Variants in CHD9 observed in about 807,000 individuals in gnomAD.
CHD9 encodes ATP-dependent chromatin remodeler CHD9.
CHD9 carries 77 observed loss-of-function variants against 316.1 expected under a neutral mutation model. That is an observed-to-expected ratio of 0.24 (90% CI 0.20 to 0.29). The LOEUF is 0.29. CHD9 is among the 10% of genes least tolerant of loss of function. CHD9 has a pLI of 1.00. For missense variants in CHD9, 2,763 were observed against 3,438.1 expected, an observed-to-expected ratio of 0.80 and a Z score of 4.91; for synonymous variants, 1,129 against 1,158.3, an observed-to-expected ratio of 0.97 and a Z score of 0.51.
At chr16:53,187,744 T>C (rs1442836763) in intron 2 of CHD9, among the ~76,000 whole-genome samples, 1 of 152,144 alleles carries the variant, frequency 6.6e-6, no homozygotes, top group Non-Finnish European at 1.5e-5. Flanking sequence ...ATTGAATAAC[T>C]ATAAGAAGTA....
intron 11 of CHD9, among the ~76,000 whole-genome samples, 166 bp from the exon 12 acceptor site, chr16:53,238,177 G>A (rs1207697669): frequency 5.3e-5 from 8 of 151,960 alleles, no homozygotes; most frequent in African/African-American, 1.9e-4. Flanking sequence ...GCCTTTGCAG[G>A]TTTATAATAA....
At chr16:53,323,266 T>A (rs1375505662) in intron 38 of CHD9, among the ~76,000 whole-genome samples, 1 of 152,244 alleles carries the variant, frequency 6.6e-6, no homozygotes, top group African/African-American at 2.4e-5. Flanking sequence ...ATTACTAAAA[T>A]TAATGTCACC....
chr16:53,277,527 A>C (rs1296479002), intron 24 of CHD9, among the ~76,000 whole-genome samples: 2 of 152,206 alleles, frequency 1.3e-5, no homozygotes. Context: ...AACACAAAGC[A>C]TTTGACGAAA....
intron 1 of CHD9, among the ~76,000 whole-genome samples, chr16:53,111,479 AT>A (rs1471101204): frequency 5.3e-5 from 8 of 152,258 alleles, no homozygotes; most frequent in Admixed American, 3.3e-4. Flanking sequence ...GTATACGGTT[AT>A]TAGCAGAGGT....
intron 1 of CHD9, among the ~76,000 whole-genome samples, chr16:53,090,988 A>G (rs1245540268): frequency 6.8e-6 from 1 of 146,628 alleles, no homozygotes; most frequent in Non-Finnish European, 1.5e-5. Context: ...GGTGTGGAGG[A>G]TGGGAACAGC....
At chr16:53,063,136 C>G (rs1173476320) in intron 1 of CHD9, among the ~76,000 whole-genome samples, 1 of 152,106 alleles carries the variant, frequency 6.6e-6, no homozygotes, top group Non-Finnish European at 1.5e-5. Context: ...ACTTTCCATG[C>G]GTCATTCAAA....
chr16:53,245,275 T>G lies in CHD9; in HGVS notation c.3055-61T>G, dbSNP rs956011633. On this transcript the variant is annotated intron_variant, in intron 13 of 38. Transcript: ENST00000447540. The surrounding 1 kb of genome is among the most constrained non-coding windows in gnomAD (Gnocchi z 4.1). ...CATATTGATCATTCGATAATCTAAG[T>G]CAGCTTTCATATAATTTTAGTACTG... 7 of 1,296,112 alleles carry G rather than the reference T, an allele frequency of 5.4e-6. No homozygotes were observed. Among genetic ancestry groups the G allele is most frequent in the African/African-American group, 1.5e-5 (1 of 65,902 alleles). 80.3% of individuals were successfully genotyped at this position (1,296,112 alleles called of 1,614,324 possible).
intron 1 of CHD9, among the ~76,000 whole-genome samples, chr16:53,098,513 G>A (rs2036571680): frequency 6.6e-6 from 1 of 151,784 alleles, no homozygotes; most frequent in Non-Finnish European, 1.5e-5. Flanking sequence ...AAAGCTGGGA[G>A]GCCTGAGATT....
chr16:53,133,531 CTT>C (rs996948831), intron 1 of CHD9, among the ~76,000 whole-genome samples: 10 of 152,274 alleles, frequency 6.6e-5, no homozygotes, highest in African/African-American at 2.4e-4. Flanking sequence ...GACTTTGTCA[CTT>C]AACTGTGTAG....
At chr16:53,322,666 A>G (rs959724650) in intron 38 of CHD9, among the ~76,000 whole-genome samples, 2 of 152,064 alleles carry the variant, frequency 1.3e-5, no homozygotes, top group Non-Finnish European at 1.5e-5. Flanking sequence ...AATCAGTAGT[A>G]TTTAAGCTCT....
chr16:53,295,226 A>G (rs757537553), intron 29 of CHD9, among the ~76,000 whole-genome samples: 2 of 152,284 alleles, frequency 1.3e-5, no homozygotes, highest in South Asian at 2.1e-4. Context: ...TCCGGGGTTC[A>G]AGCAATTCTC....
At chr16:53,271,907 C>T (rs2052307822) in intron 22 of CHD9, among the ~76,000 whole-genome samples, 1 of 151,954 alleles carries the variant, frequency 6.6e-6, no homozygotes, top group South Asian at 2.1e-4. Context: ...TGTACTATTT[C>T]GAACCAACAA....
chr16:53,183,775 A>C (rs1186297773), intron 2 of CHD9, among the ~76,000 whole-genome samples: 1 of 152,038 alleles, frequency 6.6e-6, no homozygotes, highest in Non-Finnish European at 1.5e-5. Flanking sequence ...AATACAATAC[A>C]ATACAATGCA....
intron 2 of CHD9, among the ~76,000 whole-genome samples, chr16:53,189,309 C>T (rs1044287318): frequency 6.6e-6 from 1 of 151,938 alleles, no homozygotes; most frequent in Admixed American, 6.6e-5. Flanking sequence ...GTTTTTCATA[C>T]ATGCCTTTTA....
At chr16:53,273,814 C>T (rs1384087166) in intron 23 of CHD9, 29 bp downstream of exon 23, 3 of 1,553,290 alleles carry the variant, frequency 1.9e-6, no homozygotes, top group African/African-American at 1.4e-5. Context: ...AAACACAACT[C>T]TTTAAATGTT....
In CHD9 at chr16:53,245,437, A is replaced by G; in HGVS notation, c.3156A>G (p.Ser1052=). 6.2e-7 allele frequency: 1 copy of G among 1,605,586 alleles called. No homozygotes were observed. The highest frequency in any genetic ancestry group is 8.5e-7 in the Non-Finnish European group (1 of 1,177,578). The part of the protein sequence containing the change: ...FLEPLRFPSE[S]TFMQEFGDLK... ...AACCCTTAAGGTTTCCTTCTGAATC[A>G]ACATTTATGCAAGAATTTGGGGATC... The change falls in exon 14 of 39, where the codon TCA becomes TCG. Residue 1052 remains serine (S), a synonymous_variant. Transcript: ENST00000447540. This position sits in a 1 kb window ranked among gnomAD's most constrained non-coding sequence, Gnocchi z 4.1.
rs186226842 is a variant in CHD9 at position 53,148,062 on chromosome 16, C to T, written c.-164-7864C>T. On this transcript the variant is annotated intron_variant, in intron 1 of 38. Coordinates refer to ENST00000447540, the MANE Select transcript of CHD9 (RefSeq NM_001308319.2). ...CTACTAAAAATAAAAAAAAAATTAC[C>T]CGGGCATGGTGGTGGGCGCCTGTAA... 5.7e-4 allele frequency among the ~76,000 whole-genome samples: 87 copies of T among 151,880 alleles called. 3 individuals are homozygous for T. In the East Asian group the frequency reaches 0.011, roughly 19 times the overall value.
At chr16:53,231,218 T>C (rs1295945212) in intron 8 of CHD9, among the ~76,000 whole-genome samples, 1 of 152,196 alleles carries the variant, frequency 6.6e-6, no homozygotes, top group Non-Finnish European at 1.5e-5. Flanking sequence ...TATATTTTAG[T>C]ACTATTTGGT....
chr16:53,091,976 G>A (rs377657112), intron 1 of CHD9, among the ~76,000 whole-genome samples: 3 of 152,114 alleles, frequency 2.0e-5, no homozygotes, highest in East Asian at 1.9e-4. Context: ...CGAGAGCAGC[G>A]ATTCCTCTTT....
Sources: allele counts gnomAD v4.1 joint callset (sites outside exome capture counted in the v4.1 genomes callset), GRCh38; gene constraint gnomAD v4.1.1; non-coding constraint Gnocchi (gnomAD v3.1); transcripts MANE v1.5; gene names NCBI Gene and HGNC (gene_info 2026-07-23, HGNC 2026-07-21).